Variants in XYLT1 observed in about 807,000 individuals in gnomAD.
XYLT1 encodes the protein beta-D-xylosyltransferase 1.
A neutral mutation model predicts 91.3 loss-of-function variants in XYLT1; 36 were observed. That is an observed-to-expected ratio of 0.39 (90% CI 0.30 to 0.52). The LOEUF (loss-of-function observed/expected upper bound fraction) is 0.52, where lower values mean the gene tolerates loss of function less well. XYLT1 is among the 20% of genes least tolerant of loss of function. XYLT1 has a pLI of 0.68. For missense variants in XYLT1, 1,242 were observed against 1,284.5 expected (o/e 0.97, Z 0.51); for synonymous variants, 588 against 532.0 (o/e 1.11, Z -1.45).
At chr16:17,284,642 G>T (rs2034107617) in intron 2 of XYLT1, among the ~76,000 whole-genome samples, 1 of 152,208 alleles carries the variant, frequency 6.6e-6, no homozygotes, top group Non-Finnish European at 1.5e-5. Context: ...CACAGCTGGG[G>T]ATGGTGCTGT....
At position 17,278,506 on chromosome 16, in the gene XYLT1, C is replaced by G. The variant is rs139368590; in HGVS notation, c.403-19008G>C. 3.0e-3 allele frequency among the ~76,000 whole-genome samples: 464 copies of G among 152,232 alleles called. 8 individuals carry two copies. Among genetic ancestry groups the G allele is most frequent in the Non-Finnish European group, 2.3e-3 (155 of 68,024 alleles). ...TTTGACAAGGCGAGACTGGGATTTC[C>G]ACACTGTCTACTAAATCAAAGTCAT... On this transcript the variant is annotated intron_variant, in intron 2 of 11. Transcript: ENST00000261381.
At chr16:17,450,571 G>A (rs763330381) in intron 1 of XYLT1, among the ~76,000 whole-genome samples, 6 of 152,154 alleles carry the variant, frequency 3.9e-5, no homozygotes, top group Non-Finnish European at 7.3e-5. Flanking sequence ...TAAAAGTTCA[G>A]AGCACAAGGG....
At chr16:17,455,379 C>T (rs1053298124) in intron 1 of XYLT1, among the ~76,000 whole-genome samples, 3 of 152,096 alleles carry the variant, frequency 2.0e-5, no homozygotes, top group African/African-American at 4.8e-5. Flanking sequence ...ATAAAGAGAA[C>T]GAGAGCAATC....
chr16:17,222,279 T>C (rs546949612), intron 3 of XYLT1, among the ~76,000 whole-genome samples: 3 of 152,272 alleles, frequency 2.0e-5, no homozygotes, highest in African/African-American at 4.8e-5. Context: ...CCTGAGGACA[T>C]CTAGCAATGT....
chr16:17,337,776 T>TTTC (rs1567381008), intron 2 of XYLT1, among the ~76,000 whole-genome samples: 1 of 44,518 alleles, frequency 2.2e-5, no homozygotes, highest in African/African-American at 1.1e-4. Flanking sequence ...ACATTTTTTC[T>TTTC]TTTTCTTTTT....
At chr16:17,198,978 A>T (rs34762134) in intron 4 of XYLT1, among the ~76,000 whole-genome samples, 1 of 152,176 alleles carries the variant, frequency 6.6e-6, no homozygotes, top group Non-Finnish European at 1.5e-5. Flanking sequence ...TCCTGACCTC[A>T]GGTGATCCGC....
chr16:17,138,178 G>GAAGTTAGAACATCCCTGAAGT (rs2030823493), intron 8 of XYLT1, 177 bp downstream of exon 8: 2 of 691,530 alleles, frequency 2.9e-6, no homozygotes, highest in Non-Finnish European at 4.7e-6. Context: ...GAACATCCCT[G>GAAGTTAGAACATCCCTGAAGT]AAGTAAGTGC....
chr16:17,362,339 G>T (rs2035395931), intron 1 of XYLT1, among the ~76,000 whole-genome samples: 1 of 151,986 alleles, frequency 6.6e-6, no homozygotes. Context: ...CAGTCACTTT[G>T]CCACAGCAAG....
At chr16:17,378,076 G>A (rs979362748) in intron 1 of XYLT1, among the ~76,000 whole-genome samples, 5 of 152,122 alleles carry the variant, frequency 3.3e-5, no homozygotes, top group South Asian at 2.1e-4. Flanking sequence ...CAAATGTCAC[G>A]GGGGTTTCCT....
chr16:17,168,627 C>G (rs980343262), intron 5 of XYLT1, among the ~76,000 whole-genome samples: 1 of 151,884 alleles, frequency 6.6e-6, no homozygotes, highest in Non-Finnish European at 1.5e-5. Flanking sequence ...AAAAAGTAGT[C>G]CAAATTTACA....
At chr16:17,317,418 A>G (rs1256662974) in intron 2 of XYLT1, among the ~76,000 whole-genome samples, 3 of 151,762 alleles carry the variant, frequency 2.0e-5, no homozygotes, top group Non-Finnish European at 4.4e-5. Flanking sequence ...GGGTGGTTTG[A>G]GCCCAGGAGT....
At chr16:17,395,472 T>G (rs1284952942) in intron 1 of XYLT1, among the ~76,000 whole-genome samples, 1 of 152,162 alleles carries the variant, frequency 6.6e-6, no homozygotes. Flanking sequence ...ATCGCACCAC[T>G]GCACTCCAGC....
intron 3 of XYLT1, among the ~76,000 whole-genome samples, chr16:17,213,850 C>T (rs2032807227): frequency 6.6e-6 from 1 of 152,144 alleles, no homozygotes; most frequent in South Asian, 2.1e-4. Flanking sequence ...AACCCCTGAC[C>T]TTGTGATTCG....
chr16:17,225,173 A>ACTCT (rs761445257), intron 3 of XYLT1, among the ~76,000 whole-genome samples: 1,162 of 100,742 alleles, frequency 0.012, 19 homozygotes, highest in African/African-American at 0.067. Flanking sequence ...ACACACACAC[A>ACTCT]CACACTCTCT....
intron 1 of XYLT1, among the ~76,000 whole-genome samples, chr16:17,408,949 C>T (rs756871645): frequency 2.6e-5 from 4 of 152,088 alleles, no homozygotes; most frequent in Non-Finnish European, 4.4e-5. Flanking sequence ...CTGTTCTGAG[C>T]GCAAAGGCCA....
intron 6 of XYLT1, among the ~76,000 whole-genome samples, chr16:17,154,234 C>T (rs965356668): frequency 8.5e-5 from 13 of 152,172 alleles, no homozygotes; most frequent in Non-Finnish European, 5.9e-5. Flanking sequence ...GCTGACATCC[C>T]ATGGCTGTGG....
At chr16:17,416,315 A>G (rs535494780) in intron 1 of XYLT1, among the ~76,000 whole-genome samples, 67 of 152,384 alleles carry the variant, frequency 4.4e-4, no homozygotes, top group Non-Finnish European at 5.6e-4. Context: ...CTTATGGAAC[A>G]GAAACTGGCC....
chr16:17,359,993 G>A (rs751762348), intron 1 of XYLT1, among the ~76,000 whole-genome samples: 18 of 152,278 alleles, frequency 1.2e-4, no homozygotes, highest in South Asian at 2.1e-4. Flanking sequence ...GACCTGGTAC[G>A]AGCTTAGTGG....
chr16:17,142,431 A>T (rs1305236104), intron 6 of XYLT1, among the ~76,000 whole-genome samples: 13 of 122,746 alleles, frequency 1.1e-4, no homozygotes, highest in East Asian at 2.3e-4. Context: ...AAATCCTGTA[A>T]TTTTTTTTTT....
Sources: gnomAD v4.1 joint callset for allele counts (sites outside exome capture counted in the v4.1 genomes callset) on GRCh38, gnomAD v4.1.1 for gene constraint, MANE v1.5 for transcripts, NCBI Gene and HGNC (gene_info 2026-07-23, HGNC 2026-07-21) for gene names.